The following MEIS1 variants were observed in gnomAD, a reference collection of about 807,000 sequenced individuals.
MEIS1 encodes the protein homeobox protein Meis1.
In MEIS1, 5 loss-of-function variants were observed where a neutral mutation model predicts 50.8. The ratio of observed to expected loss-of-function variants is 0.10; its 90% confidence interval spans 0.05 to 0.21. MEIS1 has a LOEUF of 0.21. Among genes scored for constraint, MEIS1 ranks in the 10% least tolerant of loss-of-function variants. The probability of loss-of-function intolerance (pLI) is 1.00; values close to 1 mark genes in which losing one functional copy is unlikely to be tolerated. For synonymous variants in MEIS1, 176 were observed against 179.3 expected (o/e 0.98, Z 0.15); for missense variants, 318 against 517.3 (o/e 0.61, Z 3.74).
intron 11 of MEIS1, 92 bp downstream of exon 11, chr2:66,568,848 G>C: frequency 8.0e-7 from 1 of 1,255,910 alleles, no homozygotes; most frequent in East Asian, 2.3e-5. Flanking sequence ...ATCCTTTTCT[G>C]TTATCTCAAG....
chr2:66,443,074 C>A, intron 6 of MEIS1, 26 bp downstream of exon 6: 1 of 1,557,854 alleles, frequency 6.4e-7, no homozygotes, highest in Non-Finnish European at 8.6e-7. Context: ...TTTCAACATC[C>A]CTGGGAAAAA....
intron 9 of MEIS1, among the ~76,000 whole-genome samples, chr2:66,549,569 T>C (rs1674869436): frequency 6.6e-6 from 1 of 152,068 alleles, no homozygotes; most frequent in South Asian, 2.1e-4. Flanking sequence ...GGGGAGACCA[T>C]CAATTTTGCG....
intron 8 of MEIS1, among the ~76,000 whole-genome samples, chr2:66,517,471 C>T (rs3890755): frequency 0.48 from 73,230 of 151,946 alleles, 17,991 homozygotes; most frequent in South Asian, 0.55. Context: ...CTTTTACATA[C>T]ATAAGAAGAA....
chr2:66,566,065 T>C (rs1222687587), intron 9 of MEIS1, among the ~76,000 whole-genome samples: 1 of 152,196 alleles, frequency 6.6e-6, no homozygotes. Context: ...CAACACAATT[T>C]GTTGTAGACC....
chr2:66,519,319 G>A (rs1674053636), intron 8 of MEIS1, among the ~76,000 whole-genome samples: 1 of 152,158 alleles, frequency 6.6e-6, no homozygotes, highest in East Asian at 1.9e-4. Context: ...ACGCTCCAAG[G>A]CAGTAATGAT....
chr2:66,543,277 T>G (rs1296899166), intron 8 of MEIS1, among the ~76,000 whole-genome samples: 1 of 152,224 alleles, frequency 6.6e-6, no homozygotes, highest in Admixed American at 6.5e-5. Context: ...ACGGGGTCAT[T>G]AAGCAATCAC....
intron 7 of MEIS1, among the ~76,000 whole-genome samples, chr2:66,485,096 CAT>C (rs1195503077): frequency 1.3e-5 from 2 of 151,824 alleles, no homozygotes; most frequent in Non-Finnish European, 2.9e-5. Flanking sequence ...TATATATACA[CAT>C]ATGATTTTTT....
chr2:66,544,162 A>G (rs1674729551), intron 8 of MEIS1, among the ~76,000 whole-genome samples: 1 of 152,042 alleles, frequency 6.6e-6, no homozygotes, highest in African/African-American at 2.4e-5. Context: ...GCCTTTGCCC[A>G]TTGCATGGCC....
chr2:66,566,710 A>G (rs923024758), intron 9 of MEIS1, among the ~76,000 whole-genome samples: 2 of 150,992 alleles, frequency 1.3e-5, no homozygotes, highest in Non-Finnish European at 2.9e-5. Flanking sequence ...CCTTAATAAG[A>G]TGTTTATAAA....
chr2:66,566,830 AC>A (rs1194228813), intron 9 of MEIS1, among the ~76,000 whole-genome samples: 1 of 151,218 alleles, frequency 6.6e-6, no homozygotes, highest in Non-Finnish European at 1.5e-5. Flanking sequence ...AAAAACAACA[AC>A]AACAAAAAAA....
At chr2:66,526,368 T>C (rs1298831491) in intron 8 of MEIS1, among the ~76,000 whole-genome samples, 1 of 152,176 alleles carries the variant, frequency 6.6e-6, no homozygotes, top group Non-Finnish European at 1.5e-5. Context: ...ACCCCTTAGA[T>C]GTCATTGTGC....
intron 7 of MEIS1, among the ~76,000 whole-genome samples, chr2:66,474,793 G>A (rs933973902): frequency 3.0e-4 from 46 of 152,122 alleles, no homozygotes; most frequent in African/African-American, 9.4e-4. Context: ...CCCTCCTAAC[G>A]TTGCTCACTT....
Position 66,452,781 on chromosome 2 carries a change from G to A in MEIS1, c.630+9733G>A, listed in dbSNP as rs532808330. 7.2e-5 allele frequency among the ~76,000 whole-genome samples: 11 copies of A among 151,992 alleles called. No individual in the cohort carries two copies. In the South Asian group the frequency reaches 2.3e-3, roughly 31 times the overall value. On this transcript the variant is annotated intron_variant, in intron 6 of 12. Coordinates refer to ENST00000272369, the MANE Select transcript of MEIS1 (RefSeq NM_002398.3). ...GTTTGTAGCACTGTTTGTGTATTTG[G>A]TGGCTTGGCCTATTGTTTCATTATA... is the stretch of plus-strand genomic sequence containing the variant.
At chr2:66,531,694 G>A (rs1174603290) in intron 8 of MEIS1, among the ~76,000 whole-genome samples, 1 of 152,200 alleles carries the variant, frequency 6.6e-6, no homozygotes, top group Non-Finnish European at 1.5e-5. Context: ...CCGAAGGAAT[G>A]ATATGTCAAC....
intron 6 of MEIS1, among the ~76,000 whole-genome samples, chr2:66,446,694 G>A (rs1205161070): frequency 6.6e-6 from 1 of 152,210 alleles, no homozygotes; most frequent in East Asian, 1.9e-4. Flanking sequence ...TGACGTCTGG[G>A]GAGAAGTAAT....
At chr2:66,568,483 A>C (rs1351299684) in intron 10 of MEIS1, 184 bp from the exon 11 acceptor site, 1 of 502,828 alleles carries the variant, frequency 2.0e-6, no homozygotes, top group Non-Finnish European at 3.6e-6. Flanking sequence ...GATGTTTTAA[A>C]AACTCAGTCA....
At position 66,536,750 on chromosome 2, in the gene MEIS1, C is replaced by T. The variant is rs377606496; in HGVS notation, c.889-11193C>T. 5.3e-5 allele frequency among the ~76,000 whole-genome samples: 8 copies of T among 152,254 alleles called. No individual in the cohort carries two copies. In the East Asian group the frequency reaches 1.2e-3, roughly 22 times the overall value. ...CTAAGTGGGTGGAAAATGTCTAAAA[C>T]GACTATACATACCAGTTCTTTTATA... On this transcript the variant is annotated intron_variant, in intron 8 of 12. Coordinates refer to ENST00000272369, the MANE Select transcript of MEIS1 (RefSeq NM_002398.3).
At chr2:66,482,951 G>A (rs989750022) in intron 7 of MEIS1, among the ~76,000 whole-genome samples, 3 of 152,152 alleles carry the variant, frequency 2.0e-5, no homozygotes, top group Non-Finnish European at 2.9e-5. Context: ...AGATTTCTAC[G>A]TGAGATGGTT....
chr2:66,538,094 G>A (rs1363527045), intron 8 of MEIS1, among the ~76,000 whole-genome samples: 1 of 152,144 alleles, frequency 6.6e-6, no homozygotes, highest in Non-Finnish European at 1.5e-5. Context: ...AAGTTAGAGA[G>A]TAGGAAGGGA....
Sources: gnomAD v4.1 joint callset for allele counts (sites outside exome capture counted in the v4.1 genomes callset) on GRCh38, gnomAD v4.1.1 for gene constraint, MANE v1.5 for transcripts, NCBI Gene and HGNC (gene_info 2026-07-23, HGNC 2026-07-21) for gene names.